XPNPEP3: variants seen among roughly 807,000 people sequenced by gnomAD.
XPNPEP3 encodes xaa-Pro aminopeptidase 3.
In XPNPEP3, 41 loss-of-function variants were observed where a neutral mutation model predicts 60.0. The observed-to-expected ratio is 0.68, with a 90% CI of 0.53 to 0.89. The LOEUF is 0.89. Among genes scored for constraint, XPNPEP3 ranks in the 40% least tolerant of loss-of-function variants. The pLI, the probability that XPNPEP3 is intolerant of heterozygous loss-of-function variation, is 0.00. For missense variants in XPNPEP3, 598 were observed against 638.9 expected, an observed-to-expected ratio of 0.94 and a Z score of 0.69; for synonymous variants, 212 against 223.2, an observed-to-expected ratio of 0.95 and a Z score of 0.45.
At chr22:40,897,709 C>G (rs1289950155) in intron 4 of XPNPEP3, among the ~76,000 whole-genome samples, 1 of 152,110 alleles carries the variant, frequency 6.6e-6, no homozygotes. Flanking sequence ...CAGCAATGCA[C>G]AAGGGTTCCA....
At chr22:40,887,977 A>G (rs905718459) in intron 4 of XPNPEP3, among the ~76,000 whole-genome samples, 3 of 152,200 alleles carry the variant, frequency 2.0e-5, no homozygotes, top group Non-Finnish European at 4.4e-5. Context: ...TATCATTTTA[A>G]CCGTTTTTAA....
In XPNPEP3 at chr22:40,909,106, CTGT is replaced by C. The variant is rs771940086; in HGVS notation, c.856-11_856-9del. ...TACAGAAACCCTTTGTCATACCTTG[CTGT>C]TGTTTTTCACAGTTTGAATTTGAAT... On this transcript the variant is annotated splice_polypyrimidine_tract_variant and intron_variant, in intron 5 of 9. Transcript: ENST00000357137. The C allele has an allele frequency of 8.1e-6, 13 of 1,612,412 alleles. No homozygotes were observed. In the South Asian group the frequency reaches 1.4e-4, roughly 18 times the overall value.
chr22:40,926,373 C>T lies in XPNPEP3; in HGVS notation c.1462C>T (p.Leu488Phe). 1 of 1,614,136 alleles carries T rather than the reference C, an allele frequency of 6.2e-7. No homozygotes were observed. Among genetic ancestry groups the T allele is most frequent in the Non-Finnish European group, 8.5e-7 (1 of 1,180,034 alleles). The part of the protein sequence containing the change: ...VVVTQDSPLI[L>F]SADCPKEMND... ...GGTGACTCAGGACTCACCTCTCATC[C>T]TTTCTGCAGACTGTCCCAAAGAGAT... The change falls in exon 10 of 10, where the codon CTT becomes TTT. Residue 488 changes from leucine to phenylalanine, a missense_variant. Coordinates refer to ENST00000357137, the MANE Select transcript of XPNPEP3 (RefSeq NM_022098.4).
chr22:40,908,301 C>T (rs8143103), intron 5 of XPNPEP3, among the ~76,000 whole-genome samples: 1 of 151,786 alleles, frequency 6.6e-6, no homozygotes, highest in Non-Finnish European at 1.5e-5. Context: ...GGGAGGATCA[C>T]GTGAGCCCAG....
At chr22:40,900,035 A>C (rs951911105) in intron 4 of XPNPEP3, among the ~76,000 whole-genome samples, 2 of 152,056 alleles carry the variant, frequency 1.3e-5, no homozygotes, top group African/African-American at 4.8e-5. Context: ...ACTGCATTCC[A>C]GCCTGGGCAA....
At chr22:40,916,368 G>C (rs1487189162) in intron 7 of XPNPEP3, among the ~76,000 whole-genome samples, 1 of 151,864 alleles carries the variant, frequency 6.6e-6, no homozygotes, top group Non-Finnish European at 1.5e-5. Flanking sequence ...AGCTGTTATA[G>C]ATAAGTTAAA....
chr22:40,891,662 A>G (rs1181039752), intron 4 of XPNPEP3, among the ~76,000 whole-genome samples: 1 of 152,082 alleles, frequency 6.6e-6, no homozygotes, highest in Non-Finnish European at 1.5e-5. Flanking sequence ...CAAAAAAAAA[A>G]AAAAGGTTAC....
chr22:40,886,202 C>T, intron 3 of XPNPEP3, 111 bp from the exon 4 acceptor site: 7 of 1,071,000 alleles, frequency 6.5e-6, no homozygotes, highest in South Asian at 2.5e-5. Context: ...CTTTAGAGTT[C>T]CACGTTACAG....
chr22:40,859,191 G>T (rs533762745), intron 1 of XPNPEP3, among the ~76,000 whole-genome samples: 2 of 152,308 alleles, frequency 1.3e-5, no homozygotes, highest in Admixed American at 1.3e-4. Context: ...GAGAAGTTGG[G>T]CTAGAGCATA....
intron 3 of XPNPEP3, among the ~76,000 whole-genome samples, chr22:40,884,594 A>G (rs2058061310): frequency 6.6e-6 from 1 of 151,278 alleles, no homozygotes; most frequent in South Asian, 2.1e-4. Context: ...TCAGCCTCCC[A>G]GGGTGCTGGG....
At chr22:40,910,174 C>G (rs190218041) in intron 6 of XPNPEP3, among the ~76,000 whole-genome samples, 2 of 152,032 alleles carry the variant, frequency 1.3e-5, no homozygotes, top group East Asian at 3.9e-4. Context: ...ACCAAGCAGT[C>G]GATTTTAGAG....
At chr22:40,871,814 C>T (rs1033223542) in intron 2 of XPNPEP3, among the ~76,000 whole-genome samples, 1 of 152,094 alleles carries the variant, frequency 6.6e-6, no homozygotes, top group Non-Finnish European at 1.5e-5. Flanking sequence ...GTGGATGGAT[C>T]ACGAGGTCAG....
chr22:40,909,038 T>C, intron 5 of XPNPEP3, 84 bp from the exon 6 acceptor site: 1 of 1,015,034 alleles, frequency 9.9e-7, no homozygotes, highest in East Asian at 2.4e-5. Context: ...AGTACTGGTA[T>C]GGAGGTATGG....
intron 4 of XPNPEP3, among the ~76,000 whole-genome samples, chr22:40,902,871 CCT>C (rs36088420): frequency 0.55 from 82,920 of 151,884 alleles, 23,352 homozygotes; most frequent in East Asian, 0.93. Context: ...GGTGCAGACT[CCT>C]CTGTTTTTCT....
intron 7 of XPNPEP3, chr22:40,917,952 A>C (rs2058202277): frequency 6.6e-6 from 1 of 151,310 alleles, no homozygotes; most frequent in Non-Finnish European, 1.5e-5. Context: ...TTGAGGCTGC[A>C]GTGAGCTGTG....
At chr22:40,908,879 G>A (rs1184360453) in intron 5 of XPNPEP3, among the ~76,000 whole-genome samples, 1 of 152,112 alleles carries the variant, frequency 6.6e-6, no homozygotes, top group Non-Finnish European at 1.5e-5. Flanking sequence ...TTTAATAATA[G>A]GGTTGAAATA....
At chr22:40,857,476 T>C (rs940125498) in intron 1 of XPNPEP3, among the ~76,000 whole-genome samples, 1 of 152,248 alleles carries the variant, frequency 6.6e-6, no homozygotes, top group Non-Finnish European at 1.5e-5. Flanking sequence ...GAGAGAAAAG[T>C]GTGCCATCCC....
chr22:40,861,987 T>C, intron 1 of XPNPEP3: 1 of 1,590,842 alleles, frequency 6.3e-7, no homozygotes, highest in African/African-American at 1.4e-5. Context: ...TTCATAGTAA[T>C]CCACCATGTT....
At chr22:40,911,987 G>A (rs2146272847) in intron 6 of XPNPEP3, among the ~76,000 whole-genome samples, 1 of 152,302 alleles carries the variant, frequency 6.6e-6, no homozygotes, top group South Asian at 2.1e-4. Flanking sequence ...GAATGCACAG[G>A]CAGTGTGAGA....
Sources: allele counts gnomAD v4.1 joint callset (sites outside exome capture counted in the v4.1 genomes callset), GRCh38; gene constraint gnomAD v4.1.1; transcripts MANE v1.5; gene names NCBI Gene and HGNC (gene_info 2026-07-23, HGNC 2026-07-21).